The following IP6K2 variants were observed in gnomAD, a reference collection of about 807,000 sequenced individuals.
IP6K2 encodes ATP:1D-myo-inositol-hexakisphosphate phosphotransferase.
A neutral mutation model predicts 43.3 loss-of-function variants in IP6K2; 9 were observed. The observed-to-expected ratio is 0.21, with a 90% CI of 0.13 to 0.36. IP6K2 has a LOEUF of 0.36. IP6K2 is among the 10% of genes least tolerant of loss of function. The pLI is 1.00. For missense variants in IP6K2, 332 were observed against 538.4 expected (o/e 0.62, Z 3.79); for synonymous variants, 209 against 202.4 (o/e 1.03, Z -0.28).
intron 1 of IP6K2, among the ~76,000 whole-genome samples, chr3:48,698,198 G>T (rs181223937): frequency 6.6e-6 from 1 of 152,164 alleles, no homozygotes; most frequent in Admixed American, 6.5e-5. Context: ...ATGCAGACTG[G>T]TTGACACTAG....
chr3:48,695,040 T>TCTCACATCTC lies in IP6K2; in HGVS notation c.202+40_202+49dup, dbSNP rs765416158. The stretch of plus-strand genomic sequence containing the variant: ...GCCAGGGCCTTCCATGGCCACGATC[T>TCTCACATCTC]CTCACATCTCCTCGCCAGTGTGGCA... On this transcript the variant is annotated intron_variant, in intron 2 of 5. Coordinates refer to ENST00000328631, the MANE Select transcript of IP6K2 (RefSeq NM_016291.4). The surrounding 1 kb of genome is among the most constrained non-coding windows in gnomAD (Gnocchi z 4.6). The TCTCACATCTC allele has an allele frequency of 1.2e-6, 2 of 1,614,110 alleles. No homozygotes were observed. Among genetic ancestry groups the TCTCACATCTC allele is most frequent in the Non-Finnish European group, 1.7e-6 (2 of 1,179,984 alleles).
At chr3:48,693,995 G>T (rs577536244) in intron 2 of IP6K2, 21 of 1,392,172 alleles carry the variant, frequency 1.5e-5, no homozygotes, top group South Asian at 1.2e-4. Flanking sequence ...CCTTACAAAC[G>T]ACTGGCTGAA....
chr3:48,707,508 C>T (rs951441620), intron 1 of IP6K2, among the ~76,000 whole-genome samples: 4 of 152,178 alleles, frequency 2.6e-5, no homozygotes, highest in African/African-American at 9.7e-5. Context: ...GATCTCGGCT[C>T]ACCACAACCT....
chr3:48,713,903 G>T (rs180739651), intron 1 of IP6K2, among the ~76,000 whole-genome samples: 1 of 152,030 alleles, frequency 6.6e-6, no homozygotes, highest in Admixed American at 6.5e-5. Flanking sequence ...GATCACCTAA[G>T]GTCAGGAGTT....
intron 2 of IP6K2, 165 bp downstream of exon 2, chr3:48,694,925 T>C: frequency 6.5e-7 from 1 of 1,549,980 alleles, no homozygotes; most frequent in Non-Finnish European, 8.7e-7. Flanking sequence ...ACTGAGGGTG[T>C]GAGATGCTGG....
Position 48,695,113 on chromosome 3 carries a change from C to T in IP6K2, c.179G>A (p.Arg60His), listed in dbSNP as rs764632711. ...QFYETLPAEMRKFTPQYKGVV... is the reference protein window; with the variant it reads ...QFYETLPAEMHKFTPQYKGVV... Reference sequence around the variant, plus strand: ...ACCTTTGTACTGGGGAGTGAATTTGCGCATCTCAGCAGGGAGGGTCTCGTA... The same window carrying T: ...ACCTTTGTACTGGGGAGTGAATTTGTGCATCTCAGCAGGGAGGGTCTCGTA... Residue 60 changes from arginine (R) to histidine (H), a missense_variant, in exon 2 of 6, where the codon CGC (arginine) becomes CAC (histidine). Physicochemically the swap from Arg to His is conservative, Grantham distance 29. Coordinates refer to ENST00000328631, the MANE Select transcript of IP6K2 (RefSeq NM_016291.4). The surrounding 1 kb of genome is among the most constrained non-coding windows in gnomAD (Gnocchi z 4.6). 1.4e-5 allele frequency: 22 copies of T among 1,612,786 alleles called. No individual in the cohort carries two copies. The highest frequency in any genetic ancestry group is 2.7e-5 in the African/African-American group (2 of 75,036).
chr3:48,708,563 CA>C (rs1370085717), intron 1 of IP6K2, among the ~76,000 whole-genome samples: 51 of 132,270 alleles, frequency 3.9e-4, no homozygotes, highest in Non-Finnish European at 1.7e-4. Flanking sequence ...ATTCTATACA[CA>C]TACCAGGAAT....
chr3:48,691,625 G>A, intron 3 of IP6K2, 143 bp from the exon 4 acceptor site: 1 of 585,192 alleles, frequency 1.7e-6, no homozygotes, highest in Non-Finnish European at 3.0e-6. Context: ...AGACCAGCCT[G>A]GCCAACAGGG....
chr3:48,703,224 C>G (rs2079265744), intron 1 of IP6K2, among the ~76,000 whole-genome samples: 1 of 152,164 alleles, frequency 6.6e-6, no homozygotes, highest in Admixed American at 6.5e-5. Flanking sequence ...GGAAAATTCT[C>G]TCTTGTAGAA....
At chr3:48,707,726 C>G (rs1369888611) in intron 1 of IP6K2, among the ~76,000 whole-genome samples, 4 of 152,220 alleles carry the variant, frequency 2.6e-5, no homozygotes. Context: ...GTGTGAGCCA[C>G]TGCACCCAGG....
chr3:48,693,406 GA>G (rs1390550492), intron 2 of IP6K2: 122 of 1,259,196 alleles, frequency 9.7e-5, no homozygotes, highest in Non-Finnish European at 1.3e-4. Context: ...CTTCCTCTCT[GA>G]TGTACTCAAC....
chr3:48,693,342 G>A, intron 2 of IP6K2, 163 bp from the exon 3 acceptor site: 1 of 1,108,568 alleles, frequency 9.0e-7, no homozygotes, highest in Non-Finnish European at 1.4e-6. Flanking sequence ...AAAACAGCTA[G>A]AAAAGATGAC....
intron 1 of IP6K2, among the ~76,000 whole-genome samples, chr3:48,703,356 C>T (rs1298194602): frequency 6.6e-6 from 1 of 152,120 alleles, no homozygotes; most frequent in East Asian, 1.9e-4. Context: ...TGTGTTGATA[C>T]TGAGGTCATA....
chr3:48,692,724 G>A (rs914972116), intron 3 of IP6K2, among the ~76,000 whole-genome samples: 9 of 152,338 alleles, frequency 5.9e-5, no homozygotes, highest in African/African-American at 2.2e-4. Context: ...ATAGAAGAGT[G>A]AGTGAATCTC....
intron 1 of IP6K2, among the ~76,000 whole-genome samples, chr3:48,705,433 C>T (rs1027625303): frequency 2.0e-5 from 3 of 151,850 alleles, no homozygotes; most frequent in Non-Finnish European, 4.4e-5. Context: ...AATCCCAGCA[C>T]TTTGGGAGGC....
intron 1 of IP6K2, among the ~76,000 whole-genome samples, chr3:48,711,745 G>T (rs1333080995): frequency 6.6e-6 from 1 of 152,150 alleles, no homozygotes; most frequent in East Asian, 1.9e-4. Context: ...CAAGTTATTT[G>T]TTATTGTTTT....
intron 1 of IP6K2, among the ~76,000 whole-genome samples, chr3:48,708,664 A>G (rs1392334127): frequency 6.7e-6 from 1 of 148,548 alleles, no homozygotes; most frequent in African/African-American, 2.5e-5. Flanking sequence ...AACTAACTCA[A>G]CAGGAACACA....
chr3:48,715,165 T>G, intron 1 of IP6K2: 84 of 855,628 alleles, frequency 9.8e-5, no homozygotes, highest in Non-Finnish European at 1.4e-4. Context: ...TGTAATAACA[T>G]GAGAATAATC....
rs563450062 is a variant in IP6K2 at position 48,714,654 on chromosome 3, G to C, written c.-131+2503C>G. Among the ~76,000 whole-genome samples the C allele has an allele frequency of 7.9e-4, 120 of 152,248 alleles. 1 individual carries two copies. The highest frequency in any genetic ancestry group is 3.8e-4 in the Non-Finnish European group (26 of 68,012). On this transcript the variant is annotated intron_variant, in intron 1 of 5. Transcript: ENST00000328631. ...GATCCAACCGCCTTGGCCTCCCAAA[G>C]TGCTGGGATTACATGCATGAGCCAC...
Sources: gnomAD v4.1 joint callset for allele counts (sites outside exome capture counted in the v4.1 genomes callset) on GRCh38, gnomAD v4.1.1 for gene constraint, Gnocchi (gnomAD v3.1) non-coding constraint, MANE v1.5 for transcripts, NCBI Gene and HGNC (gene_info 2026-07-23, HGNC 2026-07-21) for gene names.